FANK1: variants seen among roughly 807,000 people sequenced by gnomAD.
FANK1 encodes fibronectin type 3 and ankyrin repeat domains protein 1.
FANK1 carries 44 observed loss-of-function variants against 45.3 expected under a neutral mutation model. That is an observed-to-expected ratio of 0.97 (90% CI 0.76 to 1.25). The LOEUF is 1.25. FANK1 is among the 50% of genes most tolerant of loss of function. The probability of loss-of-function intolerance (pLI) is 0.00; values close to 1 mark genes in which losing one functional copy is unlikely to be tolerated. For missense variants in FANK1, 391 were observed against 424.4 expected (o/e 0.92, Z 0.69); for synonymous variants, 149 against 152.5 (o/e 0.98, Z 0.17).
At chr10:125,971,156 A>G (rs1005805146) in intron 1 of FANK1, among the ~76,000 whole-genome samples, 5 of 152,118 alleles carry the variant, frequency 3.3e-5, no homozygotes, top group African/African-American at 1.2e-4. Context: ...TCTATGAGCT[A>G]TCTTGCTAAT....
chr10:125,902,312 A>G (rs1945108175), intron 1 of FANK1, among the ~76,000 whole-genome samples: 1 of 152,244 alleles, frequency 6.6e-6, no homozygotes, highest in South Asian at 2.1e-4. Flanking sequence ...AGGGTGGTGG[A>G]AGAGGTCAGG....
chr10:125,937,298 G>T (rs2134149152), intron 1 of FANK1, among the ~76,000 whole-genome samples: 1 of 152,292 alleles, frequency 6.6e-6, no homozygotes, highest in East Asian at 1.9e-4. Flanking sequence ...GATTGTATGA[G>T]AGATCTCACT....
In FANK1 at chr10:125,932,245, G is replaced by A. The variant is rs144141634; in HGVS notation, c.13+35590G>A. Among the ~76,000 whole-genome samples, 433 of 152,200 alleles carry A rather than the reference G, an allele frequency of 2.8e-3. 2 individuals carry two copies. The highest frequency in any genetic ancestry group is 0.01 in the African/African-American group (417 of 41,540). Reference sequence around the variant, plus strand: ...TTTTCTAATTCTGTGAAGAATAATGGTGGTATTTTGATGGGCATTGTGTTG... The same window carrying A: ...TTTTCTAATTCTGTGAAGAATAATGATGGTATTTTGATGGGCATTGTGTTG... On this transcript the variant is annotated intron_variant, in intron 1 of 10. Transcript: ENST00000368693.
At chr10:125,969,022 G>A (rs539171004) in intron 1 of FANK1, among the ~76,000 whole-genome samples, 1 of 152,234 alleles carries the variant, frequency 6.6e-6, no homozygotes, top group African/African-American at 2.4e-5. Context: ...CTTACAAAAA[G>A]CTTTTATGGT....
At chr10:125,945,874 G>C (rs928239278) in intron 1 of FANK1, among the ~76,000 whole-genome samples, 9 of 152,228 alleles carry the variant, frequency 5.9e-5, no homozygotes, top group African/African-American at 2.2e-4. Flanking sequence ...GAAGAGAGCA[G>C]TGGTTCTCCC....
At chr10:126,005,714 C>A (rs1030483861) in intron 7 of FANK1, among the ~76,000 whole-genome samples, 1 of 152,192 alleles carries the variant, frequency 6.6e-6, no homozygotes, top group African/African-American at 2.4e-5. Flanking sequence ...GGCGGAGATA[C>A]AAAGATATTA....
intron 1 of FANK1, among the ~76,000 whole-genome samples, chr10:125,970,702 C>G (rs527465537): frequency 6.6e-6 from 1 of 152,188 alleles, no homozygotes; most frequent in African/African-American, 2.4e-5. Flanking sequence ...CAATCCCAGG[C>G]ACTCGGCAGG....
rs576211280 is a variant in FANK1 at position 125,996,536 on chromosome 10, C to T, written c.399-14C>T. On this transcript the variant is annotated splice_polypyrimidine_tract_variant and intron_variant, in intron 4 of 10. Coordinates refer to ENST00000368693, the MANE Select transcript of FANK1 (RefSeq NM_145235.5). The stretch of plus-strand genomic sequence containing the variant: ...TACTGAGCATGTTTATCTCTTTTCT[C>T]TGCTTTTCCCAAGCCGTGTTAAGGT... 30 of 1,613,894 alleles carry T rather than the reference C, an allele frequency of 1.9e-5. No individual in the cohort carries two copies. Among genetic ancestry groups the T allele is most frequent in the African/African-American group, 4.0e-5 (3 of 75,020 alleles).
chr10:125,977,143 G>A (rs991666609), intron 1 of FANK1, among the ~76,000 whole-genome samples: 9 of 152,240 alleles, frequency 5.9e-5, no homozygotes, highest in Middle Eastern at 3.4e-3. Context: ...GAGAACTGGT[G>A]TGGCCATTTG....
chr10:125,907,852 G>T (rs937444771), intron 1 of FANK1, among the ~76,000 whole-genome samples: 4 of 152,120 alleles, frequency 2.6e-5, no homozygotes, highest in African/African-American at 9.7e-5. Flanking sequence ...AATGAATTTT[G>T]TCAACAACCT....
intron 1 of FANK1, among the ~76,000 whole-genome samples, chr10:125,977,196 C>A (rs963552626): frequency 1.3e-5 from 2 of 152,116 alleles, no homozygotes; most frequent in Admixed American, 6.6e-5. Flanking sequence ...TATCAGAGTT[C>A]TTGCTGGTTC....
At chr10:125,926,985 G>A (rs774966651) in intron 1 of FANK1, among the ~76,000 whole-genome samples, 7 of 152,188 alleles carry the variant, frequency 4.6e-5, no homozygotes, top group Admixed American at 1.3e-4. Context: ...CAGCAACCCA[G>A]AAGCCTCTCT....
chr10:125,948,624 G>A (rs1484285593), intron 1 of FANK1, among the ~76,000 whole-genome samples: 1 of 152,214 alleles, frequency 6.6e-6, no homozygotes, highest in Admixed American at 6.5e-5. Flanking sequence ...ATAATCAATA[G>A]TTTTCCAACC....
chr10:125,916,961 G>A (rs1049390748), intron 1 of FANK1, among the ~76,000 whole-genome samples: 1 of 151,898 alleles, frequency 6.6e-6, no homozygotes, highest in Non-Finnish European at 1.5e-5. Flanking sequence ...TGAATGATAC[G>A]TCCTGCTGTT....
chr10:125,922,603 A>C (rs1012315786), intron 1 of FANK1, among the ~76,000 whole-genome samples: 1 of 152,058 alleles, frequency 6.6e-6, no homozygotes, highest in Non-Finnish European at 1.5e-5. Context: ...TGCATTCTCA[A>C]CCGGCTAGGC....
intron 1 of FANK1, chr10:125,972,906 A>ACG (rs1214318765): frequency 6.5e-6 from 1 of 153,726 alleles, no homozygotes. Context: ...ACACACACAC[A>ACG]CACACACACA....
In FANK1 at chr10:126,009,274, T is replaced by C; in HGVS notation, c.972+8T>C. On this transcript the variant is annotated splice_region_variant and intron_variant, in intron 10 of 10. Transcript: ENST00000368693. ...AGAGTTTTTGACAGACAGGTTGGGA[T>C]GCTCTTTCTGCCTATCAAGGCTAAT... 2 of 1,614,230 alleles carry C rather than the reference T, an allele frequency of 1.2e-6. No homozygotes were observed. Among genetic ancestry groups the C allele is most frequent in the Non-Finnish European group, 8.5e-7 (1 of 1,180,044 alleles).
chr10:125,961,074 A>G (rs1949895083), intron 1 of FANK1, among the ~76,000 whole-genome samples: 1 of 152,198 alleles, frequency 6.6e-6, no homozygotes, highest in Non-Finnish European at 1.5e-5. Context: ...CCACACAGAA[A>G]GTAATGTATT....
At chr10:125,978,489 A>G (rs552330136) in intron 1 of FANK1, among the ~76,000 whole-genome samples, 53 of 150,936 alleles carry the variant, frequency 3.5e-4, no homozygotes, top group African/African-American at 1.3e-3. Flanking sequence ...GGGAAATTCA[A>G]TGTCCATCTG....
Sources: allele counts gnomAD v4.1 joint callset (sites outside exome capture counted in the v4.1 genomes callset), GRCh38; gene constraint gnomAD v4.1.1; transcripts MANE v1.5; gene names NCBI Gene and HGNC (gene_info 2026-07-23, HGNC 2026-07-21).